Variants in MLIP observed in about 807,000 individuals in gnomAD.
The protein encoded by MLIP is muscular LMNA-interacting protein.
Under a neutral mutation model 84.8 loss-of-function variants are expected in MLIP, and 79 were observed. That is an observed-to-expected ratio of 0.93 (90% CI 0.78 to 1.12). The LOEUF is 1.12. Ranked by LOEUF, MLIP falls within the 50% of genes most tolerant of loss-of-function variation. The pLI, the probability that MLIP is intolerant of heterozygous loss-of-function variation, is 0.00. For synonymous variants in MLIP, 504 were observed against 463.0 expected (o/e 1.09, Z -1.14); for missense variants, 1,257 against 1,160.6 (o/e 1.08, Z -1.21).
At chr6:54,148,100 T>G (rs1316353959) in intron 4 of MLIP, among the ~76,000 whole-genome samples, 3 of 152,162 alleles carry the variant, frequency 2.0e-5, no homozygotes, top group Non-Finnish European at 4.4e-5. Context: ...TTGATGACAC[T>G]GTCTTCTGCA....
intron 1 of MLIP, among the ~76,000 whole-genome samples, chr6:54,082,445 T>G (rs900378648): frequency 1.3e-5 from 2 of 152,164 alleles, no homozygotes; most frequent in Non-Finnish European, 2.9e-5. Context: ...ACTCCCATGA[T>G]CCAATCACCT....
intron 9 of MLIP, among the ~76,000 whole-genome samples, chr6:54,185,856 T>C (rs1777339176): frequency 6.6e-6 from 1 of 152,226 alleles, no homozygotes. Context: ...ATGAGGTTAA[T>C]AATGAAAACT....
chr6:54,138,786 A>C (rs1315132678), intron 4 of MLIP, among the ~76,000 whole-genome samples: 1 of 152,168 alleles, frequency 6.6e-6, no homozygotes, highest in Non-Finnish European at 1.5e-5. Context: ...GCAGAAAGCA[A>C]CTCTACACTA....
At chr6:54,077,149 C>T (rs575052487) in intron 1 of MLIP, among the ~76,000 whole-genome samples, 1 of 152,114 alleles carries the variant, frequency 6.6e-6, no homozygotes, top group East Asian at 1.9e-4. Context: ...CCTAAATAAT[C>T]AAGGCTGCCA....
At chr6:54,093,159 AAGCCACCATGCCC>A (rs1767970802) in intron 1 of MLIP, among the ~76,000 whole-genome samples, 1 of 151,502 alleles carries the variant, frequency 6.6e-6, no homozygotes, top group African/African-American at 2.4e-5. Flanking sequence ...TTCTAGGTAT[AAGCCACCATGCCC>A]AGCCCGAGTT....
intron 1 of MLIP, among the ~76,000 whole-genome samples, chr6:54,025,842 G>A (rs141401899): frequency 1.3e-4 from 20 of 152,232 alleles, no homozygotes; most frequent in Middle Eastern, 3.4e-3. Flanking sequence ...CCTCCCTAAG[G>A]TATTTGTGTT....
At chr6:54,246,562 AT>A (rs142591067) in intron 12 of MLIP, among the ~76,000 whole-genome samples, 3,955 of 151,924 alleles carry the variant, frequency 0.026, 163 homozygotes, top group African/African-American at 0.091. Flanking sequence ...TCTGATCTTG[AT>A]TTTTTTATCT....
chr6:54,223,787 C>G (rs754171402), intron 11 of MLIP, among the ~76,000 whole-genome samples: 1 of 151,848 alleles, frequency 6.6e-6, no homozygotes, highest in South Asian at 2.1e-4. Flanking sequence ...TATATTAAAA[C>G]TAAGCCTTTT....
chr6:54,072,353 T>A (rs1237349835), intron 1 of MLIP, among the ~76,000 whole-genome samples: 2 of 152,274 alleles, frequency 1.3e-5, no homozygotes, highest in East Asian at 3.9e-4. Context: ...TCTCCTTCCA[T>A]CTCCTCACTT....
At chr6:54,072,547 A>G (rs1397841925) in intron 1 of MLIP, among the ~76,000 whole-genome samples, 2 of 152,176 alleles carry the variant, frequency 1.3e-5, no homozygotes, top group Non-Finnish European at 2.9e-5. Flanking sequence ...TCAGAATGAC[A>G]CTATTATAGT....
chr6:54,161,661 A>G (rs976603377), intron 8 of MLIP, among the ~76,000 whole-genome samples: 29 of 152,000 alleles, frequency 1.9e-4, no homozygotes, highest in African/African-American at 7.0e-4. Flanking sequence ...AAATGTACAG[A>G]ACTACACATA....
At chr6:54,170,087 A>G (rs1279258432) in intron 9 of MLIP, among the ~76,000 whole-genome samples, 1 of 151,676 alleles carries the variant, frequency 6.6e-6, no homozygotes, top group African/African-American at 2.4e-5. Context: ...AATAATTATG[A>G]GTAGCTGGCT....
intron 11 of MLIP, among the ~76,000 whole-genome samples, chr6:54,221,391 T>C (rs1388622269): frequency 6.6e-6 from 1 of 152,070 alleles, no homozygotes; most frequent in Non-Finnish European, 1.5e-5. Flanking sequence ...ATATTTAACT[T>C]GAGACTTTTA....
chr6:54,209,498 G>T (rs1297564333), intron 11 of MLIP, among the ~76,000 whole-genome samples: 1 of 152,080 alleles, frequency 6.6e-6, no homozygotes, highest in African/African-American at 2.4e-5. Flanking sequence ...TTTGAAAAAA[G>T]AATTGTATTT....
chr6:54,249,730 CACACAT>C (rs959099596), intron 12 of MLIP, among the ~76,000 whole-genome samples: 2 of 121,828 alleles, frequency 1.6e-5, no homozygotes, highest in African/African-American at 8.0e-5. Context: ...CACACACACA[CACACAT>C]ATATATATAT....
intron 4 of MLIP, among the ~76,000 whole-genome samples, chr6:54,142,805 TC>T (rs1772428460): frequency 1.3e-5 from 2 of 151,962 alleles, no homozygotes; most frequent in African/African-American, 4.8e-5. Context: ...GTGGCTATGG[TC>T]AAGTTATAGC....
intron 1 of MLIP, among the ~76,000 whole-genome samples, chr6:54,077,808 C>A (rs1308351274): frequency 1.3e-5 from 2 of 152,174 alleles, no homozygotes; most frequent in African/African-American, 4.8e-5. Context: ...CAGTCAAGAG[C>A]ACTTATCTTC....
At chr6:54,166,633 A>C (rs965719046) in intron 8 of MLIP, among the ~76,000 whole-genome samples, 1 of 151,798 alleles carries the variant, frequency 6.6e-6, no homozygotes, top group Non-Finnish European at 1.5e-5. Flanking sequence ...TCTTCTTCCC[A>C]AACTGTTAAT....
chr6:54,085,701 G>A (rs1338480442), intron 1 of MLIP, among the ~76,000 whole-genome samples: 1 of 152,170 alleles, frequency 6.6e-6, no homozygotes, highest in Non-Finnish European at 1.5e-5. Context: ...GCCAAGCACA[G>A]ATCCATTCCT....
Sources: allele counts gnomAD v4.1 joint callset (sites outside exome capture counted in the v4.1 genomes callset), GRCh38; gene constraint gnomAD v4.1.1; transcripts MANE v1.5; gene names NCBI Gene and HGNC (gene_info 2026-07-23, HGNC 2026-07-21).